Variants in SCUBE2 observed in about 807,000 individuals in gnomAD.
SCUBE2 encodes signal peptide, CUB domain and EGF like domain containing 2, also known as signal peptide, CUB and EGF-like domain-containing protein 2.
SCUBE2 carries 114 observed loss-of-function variants against 125.9 expected under a neutral mutation model. That is an observed-to-expected ratio of 0.91 (90% CI 0.78 to 1.06). The LOEUF (loss-of-function observed/expected upper bound fraction) is 1.06. SCUBE2 is among the 50% of genes least tolerant of loss of function. The pLI is 0.00. For synonymous variants in SCUBE2, 459 were observed against 492.9 expected (o/e 0.93, Z 0.91); for missense variants, 1,255 against 1,301.8 (o/e 0.96, Z 0.55).
rs1316478572 is a variant in SCUBE2 at position 9,027,349 on chromosome 11, G to A, written c.2701+15C>T. On this transcript the variant is annotated intron_variant, in intron 20 of 22. Coordinates refer to ENST00000649792, the MANE Select transcript of SCUBE2 (RefSeq NM_001367977.2). ...CCAGCTGGCCTGAGAAAGGGAGGGA[G>A]GGAGTGAGACGCACAGGTTTTCCGC... The A allele has an allele frequency of 6.2e-7, 1 of 1,613,058 alleles. No homozygotes were observed. The highest frequency in any genetic ancestry group is 8.5e-7 in the Non-Finnish European group (1 of 1,179,508).
At chr11:9,038,288 A>G (rs1367071785) in intron 16 of SCUBE2, among the ~76,000 whole-genome samples, 1 of 152,184 alleles carries the variant, frequency 6.6e-6, no homozygotes. Flanking sequence ...GAGTTTGTAT[A>G]TATGCTATTT....
At chr11:9,076,957 A>T (rs1191109872) in intron 3 of SCUBE2, among the ~76,000 whole-genome samples, 1 of 152,188 alleles carries the variant, frequency 6.6e-6, no homozygotes, top group Non-Finnish European at 1.5e-5. Flanking sequence ...CTCCCTGAAC[A>T]CCAACTCCTG....
chr11:9,040,180 A>G (rs1590035317), intron 16 of SCUBE2, among the ~76,000 whole-genome samples: 1 of 152,326 alleles, frequency 6.6e-6, no homozygotes, highest in East Asian at 1.9e-4. Flanking sequence ...CTCGGAGAGT[A>G]CCACACCCTA....
rs1856228868 is a variant in SCUBE2 at position 9,030,702 on chromosome 11, A to G, written c.2341+56T>C. ...TTGACTGGAGCCTCACGAGACTCCC[A>G]TGATACTTAGAAGGGAAATCCAGTC... On this transcript the variant is annotated intron_variant, in intron 18 of 22. Coordinates refer to ENST00000649792, the MANE Select transcript of SCUBE2 (RefSeq NM_001367977.2). The G allele has an allele frequency of 7.7e-6, 12 of 1,553,130 alleles. No homozygotes were observed. The Middle Eastern group carries it at 1.5e-3, about 201-fold the overall frequency.
intron 21 of SCUBE2, among the ~76,000 whole-genome samples, chr11:9,024,036 G>A (rs78398524): frequency 0.077 from 11,667 of 151,926 alleles, 525 homozygotes; most frequent in East Asian, 0.16. Flanking sequence ...GAAGGCCTTG[G>A]GAGCTTCTCT....
intron 3 of SCUBE2, among the ~76,000 whole-genome samples, chr11:9,078,775 C>T (rs1231002573): frequency 6.6e-6 from 1 of 152,200 alleles, no homozygotes; most frequent in Non-Finnish European, 1.5e-5. Flanking sequence ...TAAGACTATC[C>T]AACACTCAAC....
intron 10 of SCUBE2, among the ~76,000 whole-genome samples, chr11:9,055,135 C>G (rs1031706446): frequency 2.6e-5 from 4 of 152,130 alleles, no homozygotes; most frequent in African/African-American, 9.7e-5. Context: ...CTTGGAAGTC[C>G]TAGACATTCT....
intron 16 of SCUBE2, among the ~76,000 whole-genome samples, chr11:9,040,446 C>T (rs925372322): frequency 5.9e-5 from 9 of 151,762 alleles, no homozygotes; most frequent in Non-Finnish European, 1.2e-4. Flanking sequence ...CGTGGGTACA[C>T]AGGAGAAAGG....
chr11:9,058,595 CAAAAAAAAAAAAAAAAAAAAAAAAAAAAA>C (rs61409328), intron 9 of SCUBE2, among the ~76,000 whole-genome samples: 1 of 44,302 alleles, frequency 2.3e-5, no homozygotes, highest in African/African-American at 8.5e-5. Context: ...GACTCTGTCT[CAAAAAAAAAAAAAAAAAAAAAAAAAAAAA>C]AAAAAATTCA....
At chr11:9,090,883 G>C (rs1013023696) in intron 1 of SCUBE2, among the ~76,000 whole-genome samples, 4 of 152,212 alleles carry the variant, frequency 2.6e-5, no homozygotes, top group Non-Finnish European at 4.4e-5. Context: ...TGAAAACCTA[G>C]GCTTGTTGCT....
chr11:9,064,602 G>A (rs1004007609), intron 7 of SCUBE2: 1 of 152,126 alleles, frequency 6.6e-6, no homozygotes, highest in Admixed American at 6.6e-5. Flanking sequence ...CTGGCAAATG[G>A]GATGAGGAAA....
At chr11:9,065,454 G>A (rs1041844630) in intron 7 of SCUBE2, among the ~76,000 whole-genome samples, 6 of 152,112 alleles carry the variant, frequency 3.9e-5, no homozygotes, top group African/African-American at 1.4e-4. Flanking sequence ...GTTTCCTGAG[G>A]CCTCCCCAGC....
chr11:9,059,697 A>G, intron 8 of SCUBE2: 1 of 443,220 alleles, frequency 2.3e-6, no homozygotes, highest in Non-Finnish European at 4.1e-6. Flanking sequence ...GGAAAGAATG[A>G]TGACGTCCTG....
At chr11:9,054,725 A>ATATATATATATATATAT (rs1368153935) in intron 10 of SCUBE2, among the ~76,000 whole-genome samples, 1 of 22,342 alleles carries the variant, frequency 4.5e-5, no homozygotes, top group Non-Finnish European at 7.1e-5. Flanking sequence ...ATATATATAT[A>ATATATATATATATATAT]TTTTTTTTTT....
intron 14 of SCUBE2, 123 bp from the exon 15 acceptor site, chr11:9,048,221 A>T: frequency 1.1e-6 from 1 of 925,660 alleles, no homozygotes; most frequent in Non-Finnish European, 1.6e-6. Context: ...TTATCTCCAG[A>T]TGCCAAGACA....
intron 13 of SCUBE2, 62 bp downstream of exon 13, chr11:9,052,684 C>A: frequency 8.1e-7 from 1 of 1,236,606 alleles, no homozygotes; most frequent in South Asian, 1.3e-5. Context: ...AACAGCACCC[C>A]GTGAATGAAG....
rs1404385066 is a variant in SCUBE2, at chr11:9,030,154, A to T, written c.2342-109T>A. The T allele has an allele frequency of 6.2e-6, 8 of 1,283,940 alleles. No individual in the cohort carries two copies. In the East Asian group the frequency reaches 2.0e-4, roughly 32 times the overall value. The allele number at this position is 1,283,940 out of a possible 1,614,324, so 79.5% of individuals were successfully genotyped here. A position where few individuals can be genotyped will look rare whatever the true frequency, so the allele number is the denominator to read the frequency against. ...GAAAGAAATGTTTATGTGCAAATGA[A>T]GTAGGGCTTTCCTACCAATCTGGGG... On this transcript the variant is annotated intron_variant, in intron 18 of 22. Transcript: ENST00000649792.
At chr11:9,069,029 T>A (rs749835484) in intron 5 of SCUBE2, among the ~76,000 whole-genome samples, 13 of 152,176 alleles carry the variant, frequency 8.5e-5, no homozygotes, top group African/African-American at 3.1e-4. Context: ...ATGAGGTTTA[T>A]AGGGGAAGCA....
rs1178436419 is a variant in SCUBE2 at position 9,074,602 on chromosome 11, GCACTCGTCCA to G, written c.386_395del (p.Val129AlafsTer29). 1 of 1,614,094 alleles carries G rather than the reference GCACTCGTCCA, an allele frequency of 6.2e-7. No individual in the cohort carries two copies. Among genetic ancestry groups the G allele is most frequent in the Non-Finnish European group, 8.5e-7 (1 of 1,180,036 alleles). On this transcript the variant is annotated frameshift_variant, in exon 4 of 23. Coordinates refer to ENST00000649792, the MANE Select transcript of SCUBE2 (RefSeq NM_001367977.2). LOFTEE classifies it high-confidence loss of function. ...GCTGGCAGCCGCCATTGTTCTCCAG[GCACTCGTCCA>G]CATCTGGAAGGAGAGAGGGATTAGC...
Sources: allele counts gnomAD v4.1 joint callset (sites outside exome capture counted in the v4.1 genomes callset), GRCh38; gene constraint gnomAD v4.1.1; transcripts MANE v1.5; gene names NCBI Gene and HGNC (gene_info 2026-07-23, HGNC 2026-07-21).